DLG2: variants seen among roughly 807,000 people sequenced by gnomAD.
DLG2 encodes discs large MAGUK scaffold protein 2.
A neutral mutation model predicts 132.5 loss-of-function variants in DLG2; 45 were observed. The ratio of observed to expected loss-of-function variants is 0.34; its 90% confidence interval spans 0.27 to 0.44. The LOEUF is 0.44. Ranked by LOEUF, DLG2 falls within the 20% of genes least tolerant of loss-of-function variation. The probability of loss-of-function intolerance (pLI) is 1.00; values close to 1 mark genes in which losing one functional copy is unlikely to be tolerated. For synonymous variants in DLG2, 424 were observed against 419.6 expected (o/e 1.01, Z -0.13); for missense variants, 1,045 against 1,196.9 (o/e 0.87, Z 1.87).
chr11:83,662,583 A>T (rs1019942034), intron 18 of DLG2, among the ~76,000 whole-genome samples: 6 of 152,194 alleles, frequency 3.9e-5, no homozygotes, highest in Admixed American at 6.5e-5. Flanking sequence ...ATTAAATGTG[A>T]TCCACATGAG....
Position 84,767,182 on chromosome 11 carries a change from A to G in DLG2, c.358-232451T>C, listed in dbSNP as rs1032063211. Reference sequence around the variant, plus strand: ...AGCACAAAGTGTAATAATACAGTAGATGCTCATTAGATATTAATCATTTTA... The same window carrying G: ...AGCACAAAGTGTAATAATACAGTAGGTGCTCATTAGATATTAATCATTTTA... On this transcript the variant is annotated intron_variant, in intron 6 of 27. Coordinates refer to ENST00000376104, the MANE Select transcript of DLG2 (RefSeq NM_001142699.3). 4.6e-5 allele frequency among the ~76,000 whole-genome samples: 7 copies of G among 152,174 alleles called. No homozygotes were observed. The South Asian group carries it at 1.4e-3, about 31-fold the overall frequency.
chr11:84,389,360 T>G (rs1250311217), intron 7 of DLG2, among the ~76,000 whole-genome samples: 1 of 152,090 alleles, frequency 6.6e-6, no homozygotes, highest in Non-Finnish European at 1.5e-5. Context: ...GTTCTTCAGT[T>G]AAAACTCCAT....
Position 85,545,309 on chromosome 11 carries a change from G to A in DLG2, c.40+53348C>T, listed in dbSNP as rs1019177759. 2.8e-4 allele frequency among the ~76,000 whole-genome samples: 43 copies of A among 152,170 alleles called. 1 individual carries two copies. The highest frequency in any genetic ancestry group is 1.0e-3 in the African/African-American group (42 of 41,436). On this transcript the variant is annotated intron_variant, in intron 3 of 27. Coordinates refer to ENST00000376104, the MANE Select transcript of DLG2 (RefSeq NM_001142699.3). ...TTACGTGTATTGATTTGCATATGTT[G>A]AACAAGACTTGCATCCCCGGGATGC...
intron 7 of DLG2, among the ~76,000 whole-genome samples, chr11:84,265,514 G>A (rs190773485): frequency 6.6e-6 from 1 of 152,178 alleles, no homozygotes; most frequent in East Asian, 1.9e-4. Context: ...ACTACATTAT[G>A]TCTTACTGTT....
chr11:84,799,096 G>C (rs2075049174), intron 6 of DLG2, among the ~76,000 whole-genome samples: 1 of 152,158 alleles, frequency 6.6e-6, no homozygotes, highest in Non-Finnish European at 1.5e-5. Context: ...CATTGCCCCA[G>C]TCCACTGGCT....
chr11:84,759,875 C>T (rs2067374127), intron 6 of DLG2, among the ~76,000 whole-genome samples: 1 of 151,720 alleles, frequency 6.6e-6, no homozygotes, highest in Non-Finnish European at 1.5e-5. Flanking sequence ...TTAATAAATA[C>T]TTTCCAAAAT....
intron 3 of DLG2, among the ~76,000 whole-genome samples, chr11:85,476,409 T>TA (rs1217411722): frequency 6.6e-6 from 1 of 152,126 alleles, no homozygotes; most frequent in Admixed American, 6.5e-5. Flanking sequence ...ACTGTACACT[T>TA]ACGCTACATT....
chr11:84,442,441 T>A (rs1457739725), intron 7 of DLG2, among the ~76,000 whole-genome samples: 1 of 152,078 alleles, frequency 6.6e-6, no homozygotes, highest in Non-Finnish European at 1.5e-5. Context: ...GAAAACCAAA[T>A]ACCACATGTT....
chr11:84,440,146 T>G (rs1270284729), intron 7 of DLG2, among the ~76,000 whole-genome samples: 4 of 152,202 alleles, frequency 2.6e-5, no homozygotes, highest in Admixed American at 1.3e-4. Flanking sequence ...TTTATAAATT[T>G]TTTTATAGTA....
chr11:83,925,823 T>A (rs1336140901), intron 15 of DLG2, among the ~76,000 whole-genome samples: 1 of 152,134 alleles, frequency 6.6e-6, no homozygotes, highest in Non-Finnish European at 1.5e-5. Context: ...AATACTATTC[T>A]CCTTGCCCTA....
At chr11:85,452,818 T>C (rs1483426502) in intron 3 of DLG2, 4 of 160,044 alleles carry the variant, frequency 2.5e-5, no homozygotes, top group Non-Finnish European at 5.6e-5. Flanking sequence ...AAAGCAGTAA[T>C]GCAGGCAGCA....
chr11:85,253,237 A>T (rs1471538807), intron 4 of DLG2, among the ~76,000 whole-genome samples: 1 of 152,204 alleles, frequency 6.6e-6, no homozygotes, highest in Non-Finnish European at 1.5e-5. Flanking sequence ...TTGACCCAAA[A>T]ATTCTACTCC....
At chr11:84,807,914 A>C (rs897377701) in intron 6 of DLG2, among the ~76,000 whole-genome samples, 1 of 152,078 alleles carries the variant, frequency 6.6e-6, no homozygotes, top group East Asian at 1.9e-4. Context: ...AGACTTCAAC[A>C]CTCCTTTATT....
intron 7 of DLG2, among the ~76,000 whole-genome samples, chr11:84,389,730 C>G (rs1449728535): frequency 6.6e-6 from 1 of 152,054 alleles, no homozygotes; most frequent in Non-Finnish European, 1.5e-5. Flanking sequence ...CTCTTTTGAA[C>G]TGGTAAGCAT....
At chr11:85,092,816 T>C (rs1393274521) in intron 6 of DLG2, among the ~76,000 whole-genome samples, 2 of 152,064 alleles carry the variant, frequency 1.3e-5, no homozygotes, top group Non-Finnish European at 2.9e-5. Context: ...CTAATTTTTG[T>C]ATTTTTAGTA....
At chr11:84,303,350 A>G (rs1365983877) in intron 7 of DLG2, among the ~76,000 whole-genome samples, 23 of 152,188 alleles carry the variant, frequency 1.5e-4, no homozygotes. Context: ...TGCTAACTGA[A>G]TAGTGCAGCC....
At chr11:84,617,990 T>A (rs1053569079) in intron 6 of DLG2, among the ~76,000 whole-genome samples, 1 of 152,054 alleles carries the variant, frequency 6.6e-6, no homozygotes, top group East Asian at 1.9e-4. Flanking sequence ...AGAAGGGCAC[T>A]TAAACCAGTC....
chr11:84,002,286 G>C (rs1277100280), intron 11 of DLG2, among the ~76,000 whole-genome samples: 4 of 152,142 alleles, frequency 2.6e-5, no homozygotes, highest in African/African-American at 9.7e-5. Flanking sequence ...CCAAGACTGG[G>C]ATCTACCATC....
At chr11:84,352,357 T>C (rs1424618044) in intron 7 of DLG2, among the ~76,000 whole-genome samples, 1 of 152,126 alleles carries the variant, frequency 6.6e-6, no homozygotes, top group Non-Finnish European at 1.5e-5. Flanking sequence ...TTAAATGAGG[T>C]ATTATGTATG....
Sources: gnomAD v4.1 joint callset for allele counts (sites outside exome capture counted in the v4.1 genomes callset) on GRCh38, gnomAD v4.1.1 for gene constraint, MANE v1.5 for transcripts, NCBI Gene and HGNC (gene_info 2026-07-23, HGNC 2026-07-21) for gene names.